TNR: variants seen among roughly 807,000 people sequenced by gnomAD.
TNR encodes tenascin R, also known as tenascin-R.
Under a neutral mutation model 150.4 loss-of-function variants are expected in TNR, and 45 were observed. The ratio of observed to expected loss-of-function variants is 0.30; its 90% CI spans 0.24 to 0.38. TNR has a LOEUF of 0.38. Among genes scored for constraint, TNR ranks in the 10% least tolerant of loss-of-function variants. The pLI is 1.00. For synonymous variants in TNR, 687 were observed against 678.4 expected, an observed-to-expected ratio of 1.01 and a Z score of -0.20; for missense variants, 1,544 against 1,759.1, an observed-to-expected ratio of 0.88 and a Z score of 2.19.
At position 175,362,686 on chromosome 1, in the gene TNR, C is replaced by G. The variant is rs61731107; in HGVS notation, c.2831G>C (p.Arg944Pro). The G allele has an allele frequency of 8.2e-4, 1,326 of 1,614,012 alleles. 18 individuals carry two copies. In the Admixed American group the frequency reaches 0.02, roughly 24 times the overall value. ...NSVRGREESE[R>P]ICTLVHTAMD... ...ACCTGTGTGCACAAGAGTACAGATG[C>G]GCTCGCTTTCCTCCCTGCCCCGCAC... The change falls in exon 14 of 23, where the codon CGC (arginine) becomes CCC (proline). Residue 944 changes from arginine to proline, a missense_variant. By Grantham distance (103) the Arg-to-Pro change is moderately radical (BLOSUM62 -2). Coordinates refer to ENST00000367674, the MANE Select transcript of TNR (RefSeq NM_003285.3).
At chr1:175,516,467 C>A (rs1269611616) in intron 2 of TNR, among the ~76,000 whole-genome samples, 2 of 152,144 alleles carry the variant, frequency 1.3e-5, no homozygotes, top group African/African-American at 2.4e-5. Flanking sequence ...ACTGTGTGGT[C>A]CATTTCCTGA....
chr1:175,411,691 T>C (rs959166382), intron 2 of TNR, among the ~76,000 whole-genome samples: 2 of 151,930 alleles, frequency 1.3e-5, no homozygotes, highest in South Asian at 4.2e-4. Flanking sequence ...TTCTTAAAAG[T>C]ACAGCAGTCA....
chr1:175,379,456 T>A, intron 9 of TNR, 96 bp downstream of exon 9: 1 of 1,090,826 alleles, frequency 9.2e-7, no homozygotes, highest in Non-Finnish European at 1.3e-6. Context: ...TCAATAGGAA[T>A]TGGCCATGGG....
chr1:175,390,068 C>G (rs1419569312), intron 7 of TNR, among the ~76,000 whole-genome samples: 3 of 152,222 alleles, frequency 2.0e-5, no homozygotes, highest in African/African-American at 7.2e-5. Flanking sequence ...CCACTGGATT[C>G]TAGCCTCAAG....
intron 20 of TNR, 111 bp from the exon 21 acceptor site, chr1:175,330,346 C>T (rs1226452484): frequency 2.5e-6 from 3 of 1,194,336 alleles, no homozygotes; most frequent in Non-Finnish European, 3.4e-6. Flanking sequence ...GGAGGGGACT[C>T]CAGATTGCTT....
intron 1 of TNR, among the ~76,000 whole-genome samples, chr1:175,674,800 G>T (rs979464826): frequency 6.6e-6 from 1 of 152,170 alleles, no homozygotes; most frequent in African/African-American, 2.4e-5. Context: ...ACAGAGAGGA[G>T]AGGACCAGGC....
At chr1:175,740,073 C>A (rs1353609990) in intron 1 of TNR, among the ~76,000 whole-genome samples, 1 of 152,222 alleles carries the variant, frequency 6.6e-6, no homozygotes, top group East Asian at 1.9e-4. Context: ...AACACCATGA[C>A]CTCAAGGCTG....
chr1:175,657,250 C>A (rs1369063685), intron 1 of TNR, among the ~76,000 whole-genome samples: 1 of 152,100 alleles, frequency 6.6e-6, no homozygotes, highest in Admixed American at 6.5e-5. Context: ...GAATGGTGAT[C>A]ATTAAAAAGT....
rs114410006 is a variant in TNR at position 175,470,805 on chromosome 1, G to C, written c.-64+57464C>G. On this transcript the variant is annotated intron_variant, in intron 2 of 22. Coordinates refer to ENST00000367674, the MANE Select transcript of TNR (RefSeq NM_003285.3). The stretch of plus-strand genomic sequence containing the variant: ...ATGCCTTGTGATTGTTTATTCACTT[G>C]TTTCTCTATTAGCTTGTGGACTCCT... Among the ~76,000 whole-genome samples the C allele has an allele frequency of 7.6e-3, 1,158 of 152,264 alleles. 17 individuals are homozygous for C. Among genetic ancestry groups the C allele is most frequent in the African/African-American group, 0.024 (1,001 of 41,540 alleles).
chr1:175,726,306 A>T (rs1667476179), intron 1 of TNR, among the ~76,000 whole-genome samples: 3 of 152,248 alleles, frequency 2.0e-5, no homozygotes, highest in Admixed American at 1.3e-4. Flanking sequence ...AGACCAGGAA[A>T]TGATGAGCAG....
rs1491394442 is a variant in TNR at position 175,742,994 on chromosome 1, A to ACACACACACC, written c.-165+231_-165+232insGGTGTGTGTG. ...CACACACACACACACACACACACACACCCGCAAGGCCAGAGTCCAATCCCC... is the reference window on the plus strand; with the variant it reads ...CACACACACACACACACACACACACACACACACACCCCCGCAAGGCCAGAGTCCAATCCCC... On this transcript the variant is annotated intron_variant, in intron 1 of 22. Coordinates refer to ENST00000367674, the MANE Select transcript of TNR (RefSeq NM_003285.3). 2.5e-3 allele frequency among the ~76,000 whole-genome samples: 349 copies of ACACACACACC among 138,324 alleles called. 1 individual carries two copies. The highest frequency in any genetic ancestry group is 8.8e-3 in the African/African-American group (334 of 38,142). 90.7% of individuals were successfully genotyped at this position (138,324 alleles called of 152,430 possible).
chr1:175,695,981 GATAT>G (rs1052543659), intron 1 of TNR, among the ~76,000 whole-genome samples: 2,612 of 138,746 alleles, frequency 0.019, 85 homozygotes, highest in African/African-American at 0.067. Context: ...TGGACAGATG[GATAT>G]ATGGATGGAT....
chr1:175,516,575 G>A (rs1438525565), intron 2 of TNR, among the ~76,000 whole-genome samples: 2 of 152,120 alleles, frequency 1.3e-5, no homozygotes, highest in African/African-American at 4.8e-5. Context: ...TTCCCATATG[G>A]ATCAAGCAGG....
rs1367958503 is a variant in TNR at position 175,396,741 on chromosome 1, C to A, written c.1043G>T (p.Gly348Val). The part of the protein sequence containing the change: ...SDRSIELEWD[G>V]PMAVTEYVIS... ...CACATATTCCGTCACTGCCATCGGC[C>A]CGTCCCATTCCAGCTCAATGGACCT... Residue 348 changes from glycine to valine, a missense_variant, in exon 5 of 23, where the codon GGG becomes GTG. Transcript: ENST00000367674. 6.2e-7 allele frequency: 1 copy of A among 1,614,088 alleles called. No individual in the cohort carries two copies. The highest frequency in any genetic ancestry group is 8.5e-7 in the Non-Finnish European group (1 of 1,180,046).
At chr1:175,330,013 A>G in intron 21 of TNR, 61 bp downstream of exon 21, 1 of 1,417,556 alleles carries the variant, frequency 7.1e-7, no homozygotes, top group Non-Finnish European at 9.4e-7. Flanking sequence ...TTACGCCTAG[A>G]ATCTGGGGGC....
At chr1:175,714,855 C>T (rs527912374) in intron 1 of TNR, among the ~76,000 whole-genome samples, 1 of 152,302 alleles carries the variant, frequency 6.6e-6, no homozygotes, top group South Asian at 2.1e-4. Context: ...TGTGAGGCTG[C>T]CTGCTCACCT....
At chr1:175,661,160 G>A (rs1665357333) in intron 1 of TNR, among the ~76,000 whole-genome samples, 2 of 152,118 alleles carry the variant, frequency 1.3e-5, no homozygotes, top group African/African-American at 4.8e-5. Context: ...GAAGAACCAG[G>A]CAGCCCAGTC....
At chr1:175,511,212 CT>C (rs1223102617) in intron 2 of TNR, among the ~76,000 whole-genome samples, 1 of 152,164 alleles carries the variant, frequency 6.6e-6, no homozygotes, top group Non-Finnish European at 1.5e-5. Context: ...CAAAGCTCTG[CT>C]GCAATTGAAA....
intron 2 of TNR, among the ~76,000 whole-genome samples, chr1:175,417,009 A>AAAAAAGAAAGAAAG (rs1654496508): frequency 7.5e-6 from 1 of 133,262 alleles, no homozygotes; most frequent in Non-Finnish European, 1.7e-5. Flanking sequence ...CTCCATCTCA[A>AAAAAAGAAAGAAAG]AAAAAGAAAG....
Sources: gnomAD v4.1 joint callset for allele counts (sites outside exome capture counted in the v4.1 genomes callset) on GRCh38, gnomAD v4.1.1 for gene constraint, MANE v1.5 for transcripts, NCBI Gene and HGNC (gene_info 2026-07-23, HGNC 2026-07-21) for gene names.